Variants in PSG3 observed in about 807,000 individuals in gnomAD.
PSG3 encodes pregnancy-specific beta-1-glycoprotein 3.
PSG3 carries 61 observed loss-of-function variants against 47.5 expected under a neutral mutation model. The observed-to-expected ratio is 1.28, with a 90% CI of 1.05 to 1.59. The LOEUF (loss-of-function observed/expected upper bound fraction) is 1.59. PSG3 is among the 40% of genes most tolerant of loss of function. The pLI, the probability that PSG3 is intolerant of heterozygous loss-of-function variation, is 0.00. For missense variants in PSG3, 756 were observed against 524.0 expected (o/e 1.44, Z -4.32); for synonymous variants, 263 against 198.4 (o/e 1.33, Z -2.74).
At chr19:42,738,263 C>A (rs1347263227) in intron 2 of PSG3, among the ~76,000 whole-genome samples, 1 of 152,228 alleles carries the variant, frequency 6.6e-6, no homozygotes, top group Non-Finnish European at 1.5e-5. Flanking sequence ...AAGCCCTGCC[C>A]AAGAAGCGAC....
rs766681031 is a variant in PSG3 at position 42,733,049 on chromosome 19, C to T, written c.444G>A (p.Lys148=). Reference sequence around the variant, plus strand: ...ATAAGTTGCTGCTGGAGATGGAGGGCTTGGGAGTCTCCACTGTGCAGAAAA... The same window carrying T: ...ATAAGTTGCTGCTGGAGATGGAGGGTTTGGGAGTCTCCACTGTGCAGAAAA... ...FTFTLYLETP[K]PSISSSNLYP... is the part of the protein sequence containing the mutation. Residue 148 remains lysine, a synonymous_variant, in exon 3 of 7, where the codon AAG becomes AAA. Transcript: ENST00000327495. 1 of 1,614,004 alleles carries T rather than the reference C, an allele frequency of 6.2e-7. No homozygotes were observed. Among genetic ancestry groups the T allele is most frequent in the East Asian group, 2.2e-5 (1 of 44,872 alleles).
At chr19:42,735,298 G>T (rs1969544841) in intron 2 of PSG3, among the ~76,000 whole-genome samples, 1 of 152,080 alleles carries the variant, frequency 6.6e-6, no homozygotes. Flanking sequence ...ATATCCTCAA[G>T]CTAGGGATTC....
At chr19:42,727,194 A>T (rs1353698371) in intron 5 of PSG3, among the ~76,000 whole-genome samples, 1 of 152,240 alleles carries the variant, frequency 6.6e-6, no homozygotes, top group Non-Finnish European at 1.5e-5. Flanking sequence ...GCTTCATGAT[A>T]CTGGATTTCA....
At chr19:42,736,154 A>T (rs752106393) in intron 2 of PSG3, among the ~76,000 whole-genome samples, 3 of 152,242 alleles carry the variant, frequency 2.0e-5, no homozygotes, top group Non-Finnish European at 4.4e-5. Context: ...ATAGGAGGGA[A>T]CTGAATTCTG....
rs572385232 is a variant in PSG3 at position 42,738,575 on chromosome 19, T to C, written c.430+149A>G. Reference sequence around the variant, plus strand: ...ATTCTGATCTGTTGAAATTTGTCTCTTCTGTGTGTGTCCTGCACTAAATGC... The same window carrying C: ...ATTCTGATCTGTTGAAATTTGTCTCCTCTGTGTGTGTCCTGCACTAAATGC... On this transcript the variant is annotated intron_variant, in intron 2 of 6. Coordinates refer to ENST00000327495, the MANE Select transcript of PSG3 (RefSeq NM_021016.4). 408 of 1,492,982 alleles carry C rather than the reference T, an allele frequency of 2.7e-4. 2 individuals are homozygous for C. In the Admixed American group the frequency reaches 4.0e-3, roughly 14 times the overall value. The allele number at this position is 1,492,982 out of a possible 1,614,324, so 92.5% of individuals were successfully genotyped here.
chr19:42,737,642 A>G (rs1969588174), intron 2 of PSG3, among the ~76,000 whole-genome samples: 1 of 152,196 alleles, frequency 6.6e-6, no homozygotes, highest in African/African-American at 2.4e-5. Context: ...GATGCCTAAG[A>G]AGAGAGGATT....
At chr19:42,738,651 G>T in intron 2 of PSG3, 73 bp downstream of exon 2, 2 of 1,611,386 alleles carry the variant, frequency 1.2e-6, no homozygotes, top group South Asian at 1.1e-5. Flanking sequence ...GCACAATCCA[G>T]GCCTGACAAT....
chr19:42,732,016 G>T (rs1426039494), intron 3 of PSG3: 1 of 152,028 alleles, frequency 6.6e-6, no homozygotes, highest in East Asian at 1.9e-4. Context: ...CATATTCCCT[G>T]TCCTGGGTTT....
intron 2 of PSG3, among the ~76,000 whole-genome samples, chr19:42,734,860 A>G (rs1255502183): frequency 6.6e-6 from 1 of 152,238 alleles, no homozygotes; most frequent in Non-Finnish European, 1.5e-5. Flanking sequence ...GTTAGGAAAA[A>G]TGGGGAGGAC....
chr19:42,735,612 C>T (rs762289456), intron 2 of PSG3, among the ~76,000 whole-genome samples: 24 of 152,296 alleles, frequency 1.6e-4, no homozygotes, highest in Middle Eastern at 3.4e-3. Flanking sequence ...GTGCCTGCCT[C>T]GGCCTCCCAA....
At chr19:42,737,784 G>A (rs1317023689) in intron 2 of PSG3, among the ~76,000 whole-genome samples, 4 of 152,136 alleles carry the variant, frequency 2.6e-5, no homozygotes, top group Non-Finnish European at 4.4e-5. Flanking sequence ...TGTGACTCTG[G>A]TTCAGTGACT....
chr19:42,727,281 AC>A (rs2032744884), intron 5 of PSG3, among the ~76,000 whole-genome samples: 1 of 152,224 alleles, frequency 6.6e-6, no homozygotes, highest in African/African-American at 2.4e-5. Context: ...AAAAATCAAA[AC>A]CTTTTATATA....
intron 4 of PSG3, among the ~76,000 whole-genome samples, 195 bp from the exon 5 acceptor site, chr19:42,729,572 C>T (rs541271408): frequency 2.6e-5 from 4 of 152,298 alleles, no homozygotes; most frequent in African/African-American, 9.6e-5. Context: ...CCCCAAGTCT[C>T]CCATGACAAG....
chr19:42,732,732 C>T (rs1292337541), intron 3 of PSG3, 52 bp downstream of exon 3: 2 of 1,613,986 alleles, frequency 1.2e-6, no homozygotes, highest in East Asian at 4.5e-5. Context: ...GGCCTCTGGC[C>T]ACGTGTATTT....
intron 2 of PSG3, among the ~76,000 whole-genome samples, chr19:42,737,493 G>A (rs549308964): frequency 1.3e-5 from 2 of 152,206 alleles, no homozygotes; most frequent in East Asian, 3.9e-4. Flanking sequence ...CAGGATTTCA[G>A]GTTCAGTGAT....
intron 2 of PSG3, chr19:42,733,532 C>G (rs1969511673): frequency 5.8e-6 from 1 of 172,910 alleles, no homozygotes; most frequent in South Asian, 1.4e-4. Flanking sequence ...TCTTTAAACC[C>G]TTTGGATACT....
At position 42,738,796 on chromosome 19, in the gene PSG3, A is replaced by G. The variant is rs1341716048; in HGVS notation, c.358T>C (p.Tyr120His). Residue 120 changes from tyrosine (Y) to histidine (H), a missense_variant, in exon 2 of 7, where the codon TAC (tyrosine) becomes CAC (histidine). Tyr to His is a moderately conservative substitution (Grantham distance 83). Coordinates refer to ENST00000327495, the MANE Select transcript of PSG3 (RefSeq NM_021016.4). ...QNVTREDAGS[Y>H]TLHIVKRGDG... Reference sequence around the variant, plus strand: ...CCTCGCTTTACGATGTGTAAGGTGTAGGATCCTGCGTCCTCCCGGGTGACA... The same window carrying G: ...CCTCGCTTTACGATGTGTAAGGTGTGGGATCCTGCGTCCTCCCGGGTGACA... 3.1e-6 allele frequency: 5 copies of G among 1,614,112 alleles called. No homozygotes were observed. Among genetic ancestry groups the G allele is most frequent in the East Asian group, 4.5e-5 (2 of 44,876 alleles).
At chr19:42,722,645 T>C (rs1010569079) in intron 6 of PSG3, among the ~76,000 whole-genome samples, 1 of 152,244 alleles carries the variant, frequency 6.6e-6, no homozygotes, top group African/African-American at 2.4e-5. Context: ...TTCTATATAA[T>C]TTAACTTATC....
intron 3 of PSG3, chr19:42,732,087 T>C: frequency 6.4e-6 from 1 of 156,614 alleles, no homozygotes; most frequent in Non-Finnish European, 1.4e-5. Flanking sequence ...TAGATAGACT[T>C]CACTGGAAAA....
Sources: allele counts gnomAD v4.1 joint callset (sites outside exome capture counted in the v4.1 genomes callset), GRCh38; gene constraint gnomAD v4.1.1; transcripts MANE v1.5; gene names NCBI Gene and HGNC (gene_info 2026-07-23, HGNC 2026-07-21).